The following ARL15 variants were observed in gnomAD, a reference collection of about 807,000 sequenced individuals.
The protein encoded by ARL15 is ARF like GTPase 15, also known as ADP-ribosylation factor-like protein 15.
In ARL15, 19 loss-of-function variants were observed where a neutral mutation model predicts 25.2. The observed-to-expected ratio is 0.75, with a 90% CI of 0.53 to 1.10. The LOEUF is 1.10. ARL15 is among the 50% of genes least tolerant of loss of function. ARL15 has a pLI of 0.00. For synonymous variants in ARL15, 94 were observed against 86.8 expected, an observed-to-expected ratio of 1.08 and a Z score of -0.46; for missense variants, 220 against 246.0, an observed-to-expected ratio of 0.89 and a Z score of 0.71.
At chr5:54,123,034 T>C (rs772075648) in intron 3 of ARL15, among the ~76,000 whole-genome samples, 25 of 152,138 alleles carry the variant, frequency 1.6e-4, no homozygotes, top group Non-Finnish European at 3.4e-4. Flanking sequence ...TATTTACCCA[T>C]CGATTCGAGG....
chr5:53,989,772 C>T (rs746010718), intron 4 of ARL15, among the ~76,000 whole-genome samples: 15 of 152,092 alleles, frequency 9.9e-5, no homozygotes, highest in Non-Finnish European at 2.1e-4. Context: ...AAAATGAGAG[C>T]GACTCCTTCC....
chr5:54,148,594 C>A (rs1753977566), intron 3 of ARL15, among the ~76,000 whole-genome samples: 1 of 152,116 alleles, frequency 6.6e-6, no homozygotes, highest in Non-Finnish European at 1.5e-5. Context: ...TGACAACAGG[C>A]AGCAATGAAT....
intron 3 of ARL15, among the ~76,000 whole-genome samples, chr5:54,136,927 CTCT>C (rs1186059129): frequency 1.3e-5 from 2 of 150,858 alleles, no homozygotes; most frequent in African/African-American, 4.9e-5. Context: ...CAAGAATCAT[CTCT>C]TCTTCAGTCA....
chr5:54,125,749 T>A (rs996635158), intron 3 of ARL15, among the ~76,000 whole-genome samples: 1 of 152,206 alleles, frequency 6.6e-6, no homozygotes, highest in Non-Finnish European at 1.5e-5. Context: ...AAACGTGTGC[T>A]GTTTAAGTCC....
chr5:54,155,760 A>G (rs1203834000), intron 2 of ARL15, among the ~76,000 whole-genome samples: 2 of 152,042 alleles, frequency 1.3e-5, no homozygotes, highest in East Asian at 3.9e-4. Context: ...TCCACAAGAA[A>G]CCAGAGCTAA....
chr5:54,035,914 T>C (rs964303374), intron 4 of ARL15, among the ~76,000 whole-genome samples: 6 of 152,100 alleles, frequency 3.9e-5, no homozygotes, highest in African/African-American at 1.2e-4. Flanking sequence ...AAAATTAATA[T>C]TAGGCTGAGG....
chr5:54,091,723 A>G (rs935293861), intron 4 of ARL15, among the ~76,000 whole-genome samples: 2 of 152,012 alleles, frequency 1.3e-5, no homozygotes, highest in South Asian at 2.1e-4. Context: ...AGACCTTTGG[A>G]GCATTTCTTT....
intron 1 of ARL15, among the ~76,000 whole-genome samples, chr5:54,207,743 A>T (rs1755910388): frequency 6.6e-6 from 1 of 152,190 alleles, no homozygotes; most frequent in Non-Finnish European, 1.5e-5. Context: ...TGGGATTCCC[A>T]AGAAGCTCAG....
At chr5:54,061,262 A>C (rs1751052533) in intron 4 of ARL15, among the ~76,000 whole-genome samples, 1 of 152,172 alleles carries the variant, frequency 6.6e-6, no homozygotes, top group Admixed American at 6.5e-5. Flanking sequence ...TGCAGGCCCC[A>C]AGCCTTCACA....
At chr5:53,928,616 C>G (rs1218000862) in intron 4 of ARL15, among the ~76,000 whole-genome samples, 4 of 152,130 alleles carry the variant, frequency 2.6e-5, no homozygotes, top group African/African-American at 9.7e-5. Context: ...TAATCATTCC[C>G]CCTCCCCTAA....
intron 4 of ARL15, among the ~76,000 whole-genome samples, chr5:53,957,111 C>T (rs1355826460): frequency 6.6e-6 from 1 of 151,696 alleles, no homozygotes. Flanking sequence ...CGGTGAACTC[C>T]AACAAGAATC....
intron 4 of ARL15, among the ~76,000 whole-genome samples, chr5:54,015,026 C>T (rs1486585437): frequency 6.6e-6 from 1 of 152,006 alleles, no homozygotes; most frequent in African/African-American, 2.4e-5. Flanking sequence ...GGCGCGGTGG[C>T]TCACACCTAT....
At chr5:53,981,269 T>G (rs948453093) in intron 4 of ARL15, among the ~76,000 whole-genome samples, 3 of 152,176 alleles carry the variant, frequency 2.0e-5, no homozygotes, top group Non-Finnish European at 4.4e-5. Flanking sequence ...TAAACATCAA[T>G]TAAAGAATAT....
chr5:54,146,927 C>T (rs1337211592), intron 3 of ARL15, among the ~76,000 whole-genome samples: 3 of 152,148 alleles, frequency 2.0e-5, no homozygotes, highest in Non-Finnish European at 4.4e-5. Flanking sequence ...GTCAGGTCTA[C>T]CTCAGCCAGT....
intron 4 of ARL15, among the ~76,000 whole-genome samples, chr5:53,929,794 C>T (rs1746144376): frequency 6.6e-6 from 1 of 152,044 alleles, no homozygotes; most frequent in Non-Finnish European, 1.5e-5. Context: ...GTCCCCCCTA[C>T]AAGGCAATGG....
At chr5:53,986,551 A>G (rs1451381612) in intron 4 of ARL15, among the ~76,000 whole-genome samples, 1 of 152,226 alleles carries the variant, frequency 6.6e-6, no homozygotes, top group Non-Finnish European at 1.5e-5. Context: ...CATTTTATCA[A>G]ACACTCCAGA....
intron 3 of ARL15, among the ~76,000 whole-genome samples, chr5:54,153,653 G>C (rs879371271): frequency 2.6e-5 from 4 of 152,078 alleles, no homozygotes; most frequent in African/African-American, 4.8e-5. Flanking sequence ...TGGCAGAAGC[G>C]AACCTGTCCT....
intron 1 of ARL15, among the ~76,000 whole-genome samples, chr5:54,239,757 A>G (rs1756905306): frequency 6.6e-6 from 1 of 152,176 alleles, no homozygotes; most frequent in Admixed American, 6.5e-5. Context: ...ATTTTGGACA[A>G]TGATGTTTAA....
intron 4 of ARL15, among the ~76,000 whole-genome samples, chr5:54,111,705 A>T (rs1364807508): frequency 1.3e-5 from 2 of 152,138 alleles, no homozygotes; most frequent in Non-Finnish European, 2.9e-5. Flanking sequence ...TATTACATAC[A>T]CACATTATAC....
Sources: gnomAD v4.1 joint callset for allele counts (sites outside exome capture counted in the v4.1 genomes callset) on GRCh38, gnomAD v4.1.1 for gene constraint, MANE v1.5 for transcripts, NCBI Gene and HGNC (gene_info 2026-07-23, HGNC 2026-07-21) for gene names.